Variants in CPA6 observed in about 807,000 individuals in gnomAD.
The protein encoded by CPA6 is carboxypeptidase A6, also known as carboxypeptidase B.
In CPA6, 58 loss-of-function variants were observed where a neutral mutation model predicts 63.3. The observed-to-expected ratio is 0.92, with a 90% CI of 0.74 to 1.14. The LOEUF is 1.14. CPA6 is among the 50% of genes most tolerant of loss of function. CPA6 has a pLI of 0.00. For synonymous variants in CPA6, 185 were observed against 179.0 expected, an observed-to-expected ratio of 1.03 and a Z score of -0.27; for missense variants, 565 against 526.6, an observed-to-expected ratio of 1.07 and a Z score of -0.71.
intron 8 of CPA6, among the ~76,000 whole-genome samples, chr8:67,463,751 A>G (rs546784054): frequency 6.6e-6 from 1 of 152,122 alleles, no homozygotes. Flanking sequence ...TTTAGCTCCC[A>G]CTTATAAGTG....
intron 1 of CPA6, among the ~76,000 whole-genome samples, chr8:67,637,281 C>G (rs1815489473): frequency 6.6e-6 from 1 of 151,552 alleles, no homozygotes; most frequent in South Asian, 2.1e-4. Flanking sequence ...TTTTGTAAAC[C>G]ACATCATCTT....
chr8:67,475,792 TCTTTCTTTCTTTCTTTCTTTCTTTC>T, intron 8 of CPA6, among the ~76,000 whole-genome samples: 1 of 57,348 alleles, frequency 1.7e-5, no homozygotes, highest in Non-Finnish European at 3.2e-5. Context: ...TTTCTTTCTT[TCTTTCTTTCTTTCTTTCTTTCTTTC>T]CTTTCTTTTC....
intron 8 of CPA6, among the ~76,000 whole-genome samples, chr8:67,461,600 G>A (rs985367606): frequency 1.3e-5 from 2 of 152,238 alleles, no homozygotes; most frequent in Non-Finnish European, 2.9e-5. Flanking sequence ...CGGGGTGGTG[G>A]CCAGGCAGAG....
chr8:67,499,523 T>C (rs1255346914), intron 6 of CPA6, among the ~76,000 whole-genome samples: 2 of 152,188 alleles, frequency 1.3e-5, no homozygotes, highest in Admixed American at 6.5e-5. Flanking sequence ...ATTGGTAATA[T>C]CTTGCCAAAC....
chr8:67,424,423 C>A (rs1809839864), intron 10 of CPA6, among the ~76,000 whole-genome samples: 1 of 152,072 alleles, frequency 6.6e-6, no homozygotes, highest in African/African-American at 2.4e-5. Flanking sequence ...ACATTAGAGC[C>A]CTCTGACTTT....
intron 1 of CPA6, among the ~76,000 whole-genome samples, chr8:67,662,696 T>C (rs572070191): frequency 4.6e-5 from 7 of 152,172 alleles, no homozygotes; most frequent in African/African-American, 1.7e-4. Flanking sequence ...GGAATACTAC[T>C]CCTGCGATTA....
chr8:67,704,790 C>G (rs1274386789), intron 1 of CPA6, among the ~76,000 whole-genome samples: 1 of 152,174 alleles, frequency 6.6e-6, no homozygotes, highest in Admixed American at 6.5e-5. Flanking sequence ...AGATAACAGG[C>G]AACATCTTTT....
At chr8:67,671,550 T>C (rs567536596) in intron 1 of CPA6, among the ~76,000 whole-genome samples, 1 of 152,200 alleles carries the variant, frequency 6.6e-6, no homozygotes, top group South Asian at 2.1e-4. Context: ...TCTGGCCTTA[T>C]ACTGTCTATA....
chr8:67,526,852 T>A (rs1022268862), intron 2 of CPA6, among the ~76,000 whole-genome samples: 4 of 152,154 alleles, frequency 2.6e-5, no homozygotes, highest in Non-Finnish European at 5.9e-5. Context: ...TGAGTGAACA[T>A]TAGATGACTT....
intron 2 of CPA6, among the ~76,000 whole-genome samples, chr8:67,537,930 A>T (rs900298218): frequency 6.6e-6 from 1 of 152,034 alleles, no homozygotes; most frequent in Non-Finnish European, 1.5e-5. Flanking sequence ...TTTCTGCCTT[A>T]ATTTCGTTAT....
intron 2 of CPA6, among the ~76,000 whole-genome samples, chr8:67,528,794 C>T (rs73692108): frequency 1.3e-3 from 200 of 152,048 alleles, no homozygotes; most frequent in African/African-American, 4.5e-3. Flanking sequence ...CTTGTTCATC[C>T]CACTTCACGA....
chr8:67,501,781 G>A (rs763508596), intron 6 of CPA6, among the ~76,000 whole-genome samples: 24 of 152,070 alleles, frequency 1.6e-4, no homozygotes, highest in South Asian at 8.3e-4. Context: ...TTCCAACCTC[G>A]TCTATTTTCT....
chr8:67,586,613 T>C (rs1398293225), intron 2 of CPA6, among the ~76,000 whole-genome samples: 1 of 152,158 alleles, frequency 6.6e-6, no homozygotes, highest in Non-Finnish European at 1.5e-5. Context: ...AAAGAGGATA[T>C]AGAATATAAT....
At chr8:67,541,914 G>C (rs1313754702) in intron 2 of CPA6, among the ~76,000 whole-genome samples, 2 of 152,206 alleles carry the variant, frequency 1.3e-5, no homozygotes, top group Non-Finnish European at 2.9e-5. Context: ...GGTCTCACTG[G>C]GAGCTGCGGA....
intron 6 of CPA6, 97 bp from the exon 7 acceptor site, chr8:67,484,886 C>T (rs549813388): frequency 1.2e-5 from 7 of 601,128 alleles, no homozygotes; most frequent in East Asian, 8.8e-5. Flanking sequence ...CTACCAAATA[C>T]GGTGGTTTAA....
intron 6 of CPA6, 50 bp downstream of exon 6, chr8:67,506,737 G>T: frequency 8.4e-7 from 1 of 1,197,554 alleles, no homozygotes; most frequent in Non-Finnish European, 1.2e-6. Flanking sequence ...TAAAAACACA[G>T]GGAAGCACTG....
At chr8:67,471,518 T>TTTTG (rs1377621876) in intron 8 of CPA6, among the ~76,000 whole-genome samples, 1 of 152,228 alleles carries the variant, frequency 6.6e-6, no homozygotes, top group African/African-American at 2.4e-5. Context: ...TGTTGTTTTT[T>TTTTG]TTTGTTTGTT....
chr8:67,439,937 T>C (rs1199821055), intron 8 of CPA6, among the ~76,000 whole-genome samples: 1 of 152,142 alleles, frequency 6.6e-6, no homozygotes, highest in Non-Finnish European at 1.5e-5. Flanking sequence ...GATGTTTTCA[T>C]ATAGAAAAAT....
chr8:67,589,831 T>C (rs1442593839), intron 2 of CPA6, among the ~76,000 whole-genome samples: 1 of 152,074 alleles, frequency 6.6e-6, no homozygotes, highest in African/African-American at 2.4e-5. Flanking sequence ...CTCCTGATTA[T>C]TATAGCAATT....
Sources: gnomAD v4.1 joint callset for allele counts (sites outside exome capture counted in the v4.1 genomes callset) on GRCh38, gnomAD v4.1.1 for gene constraint, MANE v1.5 for transcripts, NCBI Gene and HGNC (gene_info 2026-07-23, HGNC 2026-07-21) for gene names.